Variants in PTPRG observed in about 807,000 individuals in gnomAD.
The protein encoded by PTPRG is receptor-type tyrosine-protein phosphatase gamma.
In PTPRG, 102 loss-of-function variants were observed where a neutral mutation model predicts 165.3. The observed-to-expected ratio is 0.62, with a 90% CI of 0.53 to 0.73. The LOEUF is 0.73. Among genes scored for constraint, PTPRG ranks in the 30% least tolerant of loss-of-function variants. PTPRG has a pLI of 0.00. For synonymous variants in PTPRG, 675 were observed against 669.5 expected, an observed-to-expected ratio of 1.01 and a Z score of -0.13; for missense variants, 1,866 against 1,861.4, an observed-to-expected ratio of 1.00 and a Z score of -0.05.
chr3:62,124,698 G>A (rs1252405285), intron 5 of PTPRG: 4 of 617,976 alleles, frequency 6.5e-6, no homozygotes, highest in Non-Finnish European at 8.5e-6. Context: ...GCTGCGCTTG[G>A]CACCGGACTT....
At chr3:61,660,650 C>T (rs922024473) in intron 1 of PTPRG, among the ~76,000 whole-genome samples, 1 of 152,130 alleles carries the variant, frequency 6.6e-6, no homozygotes, top group Non-Finnish European at 1.5e-5. Context: ...TCTAGAACAG[C>T]ACGTGGTTCA....
chr3:61,748,895 G>T lies in PTPRG; in HGVS notation c.103G>T (p.Val35Phe). Reference sequence around the variant, plus strand: ...TCTTCCAGCGTTGACAGAAGGCTACGTTGGGGCCCTGCACGAGAATAGACA... The same window carrying T: ...TCTTCCAGCGTTGACAGAAGGCTACTTTGGGGCCCTGCACGAGAATAGACA... ...VCFPALTEGY[V>F]GALHENRHGS... Residue 35 changes from valine (V) to phenylalanine (F), a missense_variant, in exon 2 of 30, where the codon GTT (valine) becomes TTT (phenylalanine). Physicochemically the swap from Val to Phe is conservative, Grantham distance 50. Coordinates refer to ENST00000474889, the MANE Select transcript of PTPRG (RefSeq NM_002841.4). 1.2e-6 allele frequency: 2 copies of T among 1,613,552 alleles called. No homozygotes were observed. Among genetic ancestry groups the T allele is most frequent in the African/African-American group, 1.3e-5 (1 of 74,976 alleles).
At chr3:62,056,831 A>G (rs1700650671) in intron 4 of PTPRG, among the ~76,000 whole-genome samples, 1 of 152,146 alleles carries the variant, frequency 6.6e-6, no homozygotes, top group Admixed American at 6.5e-5. Context: ...GTGTCTATTT[A>G]GGGTGGTTGC....
At chr3:62,085,153 G>T (rs1343666715) in intron 5 of PTPRG, among the ~76,000 whole-genome samples, 2 of 152,138 alleles carry the variant, frequency 1.3e-5, no homozygotes, top group Non-Finnish European at 2.9e-5. Context: ...TATTGCTCAG[G>T]AAATATATAC....
At chr3:61,761,303 A>G (rs2033826801) in intron 2 of PTPRG, among the ~76,000 whole-genome samples, 2 of 152,170 alleles carry the variant, frequency 1.3e-5, no homozygotes, top group Non-Finnish European at 2.9e-5. Flanking sequence ...CTGGTCAGGC[A>G]TGGTGGCTCA....
intron 5 of PTPRG, among the ~76,000 whole-genome samples, chr3:62,087,659 C>T (rs924449842): frequency 2.0e-5 from 3 of 152,296 alleles, no homozygotes; most frequent in Admixed American, 2.0e-4. Context: ...TTGGAGCCAG[C>T]ATTTCAATGG....
intron 28 of PTPRG, among the ~76,000 whole-genome samples, chr3:62,291,914 T>G (rs1702911798): frequency 6.6e-6 from 1 of 152,154 alleles, no homozygotes; most frequent in Non-Finnish European, 1.5e-5. Flanking sequence ...AGTGCCAAAA[T>G]AATTATTTCA....
intron 2 of PTPRG, among the ~76,000 whole-genome samples, chr3:61,808,508 C>G (rs547995339): frequency 1.3e-5 from 2 of 152,246 alleles, no homozygotes; most frequent in East Asian, 1.9e-4. Context: ...TCAACCTCAT[C>G]ATAACCTTCC....
chr3:62,236,972 GGTTTGTTT>G (rs374757586), intron 14 of PTPRG, among the ~76,000 whole-genome samples: 101 of 152,166 alleles, frequency 6.6e-4, no homozygotes, highest in Middle Eastern at 3.4e-3. Context: ...CTTTTAAGGA[GGTTTGTTT>G]GTTTGTTTGT....
chr3:62,002,207 A>G (rs907840282), intron 3 of PTPRG, among the ~76,000 whole-genome samples: 1 of 152,230 alleles, frequency 6.6e-6, no homozygotes, highest in Non-Finnish European at 1.5e-5. Flanking sequence ...AGTATTCTAG[A>G]AATGGGTCAT....
chr3:61,785,158 A>G (rs1330507967), intron 2 of PTPRG, among the ~76,000 whole-genome samples: 1 of 152,236 alleles, frequency 6.6e-6, no homozygotes, highest in African/African-American at 2.4e-5. Flanking sequence ...ACGTTTGTGA[A>G]TTAAGTATAG....
At chr3:61,704,977 G>A (rs2031173996) in intron 1 of PTPRG, among the ~76,000 whole-genome samples, 1 of 152,196 alleles carries the variant, frequency 6.6e-6, no homozygotes, top group Admixed American at 6.5e-5. Flanking sequence ...TCCTTGCTGA[G>A]AGCAGACCTG....
At chr3:62,259,645 G>T (rs536474376) in intron 16 of PTPRG, among the ~76,000 whole-genome samples, 1 of 152,288 alleles carries the variant, frequency 6.6e-6, no homozygotes, top group East Asian at 1.9e-4. Context: ...GGTGAAGAGG[G>T]AGATAAAAGG....
chr3:62,003,621 G>A (rs1010270640), intron 4 of PTPRG, 124 bp downstream of exon 4: 18 of 1,255,182 alleles, frequency 1.4e-5, no homozygotes, highest in Middle Eastern at 2.7e-4. Flanking sequence ...TCCTCTCTCT[G>A]GAAACCCTTT....
intron 5 of PTPRG, among the ~76,000 whole-genome samples, chr3:62,087,604 CT>C (rs1350665235): frequency 6.6e-6 from 1 of 152,136 alleles, no homozygotes; most frequent in African/African-American, 2.4e-5. Context: ...AGACATGGAG[CT>C]TTTTTCAGTA....
chr3:61,591,886 A>G (rs1700578549), intron 1 of PTPRG, among the ~76,000 whole-genome samples: 2 of 152,152 alleles, frequency 1.3e-5, no homozygotes, highest in Admixed American at 1.3e-4. Flanking sequence ...GATTTCCCCA[A>G]GGATCCTTAA....
At chr3:62,087,685 A>G (rs559104802) in intron 5 of PTPRG, among the ~76,000 whole-genome samples, 133 of 152,280 alleles carry the variant, frequency 8.7e-4, no homozygotes, top group African/African-American at 3.1e-3. Flanking sequence ...ATATATCTCC[A>G]GGGTCTGTGC....
chr3:62,101,545 A>G (rs568731298), intron 5 of PTPRG, among the ~76,000 whole-genome samples: 4 of 152,340 alleles, frequency 2.6e-5, no homozygotes, highest in South Asian at 2.1e-4. Context: ...CTTTACTACT[A>G]CACAAGTATC....
intron 2 of PTPRG, among the ~76,000 whole-genome samples, chr3:61,955,515 ATTG>A (rs2040008805): frequency 6.6e-6 from 1 of 152,216 alleles, no homozygotes; most frequent in Non-Finnish European, 1.5e-5. Flanking sequence ...CAGGAATAAA[ATTG>A]CATAAAAGTA....
Sources: gnomAD v4.1 joint callset for allele counts (sites outside exome capture counted in the v4.1 genomes callset) on GRCh38, gnomAD v4.1.1 for gene constraint, MANE v1.5 for transcripts, NCBI Gene and HGNC (gene_info 2026-07-23, HGNC 2026-07-21) for gene names.